The following RHOBTB1 variants were observed in gnomAD, a reference collection of about 807,000 sequenced individuals.
RHOBTB1 encodes the protein Rho related BTB domain containing 1, also known as rho-related BTB domain-containing protein 1.
A neutral mutation model predicts 71.6 loss-of-function variants in RHOBTB1; 40 were observed. The ratio of observed to expected loss-of-function variants is 0.56; its 90% confidence interval spans 0.43 to 0.73. The LOEUF (loss-of-function observed/expected upper bound fraction) is 0.73. RHOBTB1 is among the 30% of genes least tolerant of loss of function. RHOBTB1 has a pLI of 0.00. For missense variants in RHOBTB1, 797 were observed against 894.0 expected, an observed-to-expected ratio of 0.89 and a Z score of 1.38; for synonymous variants, 319 against 334.9, an observed-to-expected ratio of 0.95 and a Z score of 0.52.
intron 1 of RHOBTB1, among the ~76,000 whole-genome samples, chr10:60,997,375 T>G (rs936669431): frequency 3.9e-5 from 6 of 152,214 alleles, no homozygotes; most frequent in Non-Finnish European, 8.8e-5. Flanking sequence ...AATTCAGAAC[T>G]GTGCATAATG....
chr10:60,906,688 G>C (rs2082696011), intron 4 of RHOBTB1, among the ~76,000 whole-genome samples: 2 of 152,354 alleles, frequency 1.3e-5, no homozygotes, highest in African/African-American at 4.8e-5. Context: ...CAGGCCTGGT[G>C]CCTGGGGCAC....
rs575667200 is a variant in RHOBTB1 at position 60,961,630 on chromosome 10, C to T, written c.-61-19776G>A. ...ACCTTGAGAAGCTCCCCCATCCTCT[C>T]AAATTCTTAGAGATGGGGGGACTTA... On this transcript the variant is annotated intron_variant, in intron 2 of 11. Transcript: ENST00000357917. Among the ~76,000 whole-genome samples, 12 of 152,196 alleles carry T rather than the reference C, an allele frequency of 7.9e-5. No homozygotes were observed. In the South Asian group the frequency reaches 2.3e-3, roughly 29 times the overall value.
chr10:61,000,766 C>T (rs1237003510), intron 1 of RHOBTB1, among the ~76,000 whole-genome samples: 1 of 152,104 alleles, frequency 6.6e-6, no homozygotes, highest in Non-Finnish European at 1.5e-5. Flanking sequence ...AATACCCCAT[C>T]TCCAGACACC....
chr10:60,945,559 C>G (rs971968141), upstream of RHOBTB1, among the ~76,000 whole-genome samples: 1 of 152,152 alleles, frequency 6.6e-6, no homozygotes, highest in Non-Finnish European at 1.5e-5. Context: ...ATGAATTACC[C>G]TCCAGCCAAG....
intron 1 of RHOBTB1, among the ~76,000 whole-genome samples, chr10:60,943,507 G>T (rs979589218): frequency 6.6e-6 from 1 of 151,970 alleles, no homozygotes. Context: ...GAGGGGAGGG[G>T]AGCGACTGTG....
chr10:60,973,046 A>G (rs1328030602), intron 2 of RHOBTB1, among the ~76,000 whole-genome samples: 3 of 152,146 alleles, frequency 2.0e-5, no homozygotes, highest in Non-Finnish European at 4.4e-5. Flanking sequence ...AACAAAGGCA[A>G]AAGCCAAGGA....
chr10:60,949,467 G>A lies in RHOBTB1; in HGVS notation c.-61-7613C>T, dbSNP rs76057350. 6.4e-3 allele frequency among the ~76,000 whole-genome samples: 981 copies of A among 152,204 alleles called. 12 individuals carry two copies. Among genetic ancestry groups the A allele is most frequent in the South Asian group, 0.018 (86 of 4,822 alleles). On this transcript the variant is annotated intron_variant, in intron 2 of 11. Transcript: ENST00000357917. The stretch of plus-strand genomic sequence containing the variant: ...TTTTGACTACTTGGGAATTATCTCA[G>A]GTATTACTCAGACCAACTCTTCAGA...
intron 7 of RHOBTB1, among the ~76,000 whole-genome samples, chr10:60,879,592 G>T (rs1025059803): frequency 2.0e-5 from 3 of 151,750 alleles, no homozygotes; most frequent in Non-Finnish European, 4.4e-5. Context: ...TGATCCTCCT[G>T]CCTTGGCTTC....
At chr10:60,957,985 A>G (rs1045826256) in intron 2 of RHOBTB1, among the ~76,000 whole-genome samples, 16 of 152,326 alleles carry the variant, frequency 1.1e-4, no homozygotes, top group African/African-American at 2.9e-4. Flanking sequence ...GGAATGACTT[A>G]CTGTGAGCAG....
At chr10:60,901,112 C>T (rs2082394869) in intron 4 of RHOBTB1, among the ~76,000 whole-genome samples, 1 of 152,106 alleles carries the variant, frequency 6.6e-6, no homozygotes, top group Non-Finnish European at 1.5e-5. Flanking sequence ...AAAAAACACA[C>T]AAAACAAACA....
At chr10:60,879,928 C>T (rs762619294) in intron 7 of RHOBTB1, among the ~76,000 whole-genome samples, 2 of 152,162 alleles carry the variant, frequency 1.3e-5, no homozygotes, top group Non-Finnish European at 2.9e-5. Flanking sequence ...TGACTGCTTC[C>T]GTTCTGAACA....
At chr10:60,921,615 C>G (rs1053936414) in intron 2 of RHOBTB1, among the ~76,000 whole-genome samples, 1 of 152,212 alleles carries the variant, frequency 6.6e-6, no homozygotes, top group Non-Finnish European at 1.5e-5. Flanking sequence ...AATCTTGTCA[C>G]AGTGCCTGGC....
chr10:60,864,570 T>C (rs75783004), downstream of RHOBTB1, among the ~76,000 whole-genome samples: 27,573 of 152,270 alleles, frequency 0.18, 2,794 homozygotes, highest in African/African-American at 0.27. Context: ...ACCAGCGGAA[T>C]AGCATTTGCT....
chr10:60,907,845 A>C (rs1015936918), intron 4 of RHOBTB1, among the ~76,000 whole-genome samples: 3 of 152,170 alleles, frequency 2.0e-5, no homozygotes, highest in African/African-American at 7.2e-5. Context: ...AGTCAGGCAG[A>C]GTGGCTTTGA....
chr10:60,978,418 A>G (rs929403658), intron 2 of RHOBTB1, among the ~76,000 whole-genome samples: 7 of 152,196 alleles, frequency 4.6e-5, no homozygotes, highest in Non-Finnish European at 1.0e-4. Flanking sequence ...TGCATTTCTC[A>G]ATCAAGTGGA....
Position 60,888,785 on chromosome 10 carries a change from G to T in RHOBTB1, c.883C>A (p.Leu295Met), listed in dbSNP as rs763636294. The change falls in exon 6 of 11, where the codon CTG (leucine) becomes ATG (methionine). Residue 295 changes from leucine to methionine, a missense_variant. Around this residue, in one of 2 missense-constraint regions of RHOBTB1, gnomAD observed 658 missense variants for 681.5 expected, o/e 0.97. Transcript: ENST00000337910. ...GATTCTTCACATTCCATTAAAAACAGATCATAAAATTTGGAAGAAGAGGTA... is the reference window on the plus strand; with the variant it reads ...GATTCTTCACATTCCATTAAAAACATATCATAAAATTTGGAAGAAGAGGTA... ...LATSSSKFYD[L>M]FLMECEESPN... is the part of the protein sequence containing the mutation. 6.2e-7 allele frequency: 1 copy of T among 1,614,168 alleles called. No homozygotes were observed. The highest frequency in any genetic ancestry group is 1.1e-5 in the South Asian group (1 of 91,082).
chr10:60,889,888 C>G (rs1190230332), intron 5 of RHOBTB1, among the ~76,000 whole-genome samples: 1 of 152,180 alleles, frequency 6.6e-6, no homozygotes, highest in Admixed American at 6.5e-5. Context: ...TAAATGTTAG[C>G]TGTTATCATC....
At chr10:60,963,031 A>G (rs1040869896) in intron 2 of RHOBTB1, among the ~76,000 whole-genome samples, 4 of 152,198 alleles carry the variant, frequency 2.6e-5, no homozygotes, top group African/African-American at 9.6e-5. Context: ...GACCACGGCT[A>G]CAGATGTGAT....
intron 5 of RHOBTB1, among the ~76,000 whole-genome samples, chr10:60,891,653 G>A (rs987424327): frequency 1.3e-5 from 2 of 152,006 alleles, no homozygotes; most frequent in Admixed American, 6.6e-5. Flanking sequence ...CAGCCTAGAG[G>A]AGGGTATTAA....
Sources: gnomAD v4.1 joint callset for allele counts (sites outside exome capture counted in the v4.1 genomes callset) on GRCh38, gnomAD v4.1.1 for gene constraint, gnomAD v4.1.1 regional missense constraint, MANE v1.5 for transcripts, NCBI Gene and HGNC (gene_info 2026-07-23, HGNC 2026-07-21) for gene names.